Variants in LHFPL6 observed in about 807,000 individuals in gnomAD.
LHFPL6 encodes LHFPL tetraspan subfamily member 6 protein.
LHFPL6 carries 9 observed loss-of-function variants against 20.6 expected under a neutral mutation model. The ratio of observed to expected loss-of-function variants is 0.44; its 90% CI spans 0.26 to 0.76. LHFPL6 has a LOEUF of 0.76. Ranked by LOEUF, LHFPL6 falls within the 30% of genes least tolerant of loss-of-function variation. The pLI is 0.20. For missense variants in LHFPL6, 218 were observed against 253.5 expected (o/e 0.86, Z 0.95); for synonymous variants, 105 against 98.7 (o/e 1.06, Z -0.38).
chr13:39,430,209 T>C (rs1234246964), intron 2 of LHFPL6, among the ~76,000 whole-genome samples: 1 of 152,242 alleles, frequency 6.6e-6, no homozygotes, highest in Non-Finnish European at 1.5e-5. Flanking sequence ...ATGTTAATGG[T>C]TGATTTCTCA....
At chr13:39,396,599 C>T (rs987652762) in intron 2 of LHFPL6, among the ~76,000 whole-genome samples, 4 of 151,890 alleles carry the variant, frequency 2.6e-5, no homozygotes, top group Admixed American at 6.6e-5. Flanking sequence ...AGTTCAAGAC[C>T]GGCCCGGGCA....
chr13:39,407,245 A>G (rs671316), intron 2 of LHFPL6, among the ~76,000 whole-genome samples: 89,955 of 151,992 alleles, frequency 0.59, 27,302 homozygotes, highest in Admixed American at 0.69. Context: ...GTAATTAATG[A>G]TTTTCCTAAT....
At chr13:39,382,398 T>G (rs895475072) in intron 2 of LHFPL6, among the ~76,000 whole-genome samples, 2 of 152,044 alleles carry the variant, frequency 1.3e-5, no homozygotes, top group Non-Finnish European at 2.9e-5. Flanking sequence ...TTTTTGTTTG[T>G]TTGGTTGTTT....
At chr13:39,592,617 T>C (rs1472208553) in intron 2 of LHFPL6, among the ~76,000 whole-genome samples, 1 of 152,186 alleles carries the variant, frequency 6.6e-6, no homozygotes, top group Non-Finnish European at 1.5e-5. Flanking sequence ...CCCTAACTCA[T>C]TTTATGAGGC....
chr13:39,440,048 A>T (rs1245861513), intron 2 of LHFPL6, among the ~76,000 whole-genome samples: 1 of 152,226 alleles, frequency 6.6e-6, no homozygotes, highest in Non-Finnish European at 1.5e-5. Context: ...GTTAATACAC[A>T]GAGCCTGAAT....
intron 2 of LHFPL6, among the ~76,000 whole-genome samples, chr13:39,393,982 C>A (rs903801634): frequency 1.3e-5 from 2 of 152,122 alleles, no homozygotes; most frequent in Non-Finnish European, 2.9e-5. Context: ...CCTGTGTCAT[C>A]CAGGCTGGAG....
chr13:39,535,798 CTTCTT>C (rs1256786412), intron 2 of LHFPL6, among the ~76,000 whole-genome samples: 4 of 152,172 alleles, frequency 2.6e-5, no homozygotes, highest in African/African-American at 9.7e-5. Flanking sequence ...GATTTTACCT[CTTCTT>C]TTGAGAGTCA....
At chr13:39,542,133 A>ATAATAATAAT (rs57877231) in intron 2 of LHFPL6, among the ~76,000 whole-genome samples, 1 of 138,784 alleles carries the variant, frequency 7.2e-6, no homozygotes, top group Admixed American at 7.1e-5. Flanking sequence ...AATAATAATA[A>ATAATAATAAT]AATAAAAATG....
chr13:39,368,234 G>A (rs903043132), intron 3 of LHFPL6, among the ~76,000 whole-genome samples: 5 of 150,972 alleles, frequency 3.3e-5, no homozygotes, highest in Non-Finnish European at 7.4e-5. Flanking sequence ...GGGAGGGCGA[G>A]GCAGGAGAAT....
chr13:39,402,151 AT>A lies in LHFPL6; in HGVS notation c.386-23626del, dbSNP rs57347900. On this transcript the variant is annotated intron_variant, in intron 2 of 3. Coordinates refer to ENST00000379589, the MANE Select transcript of LHFPL6 (RefSeq NM_005780.3). ...ACTGATTACAGGTTAGAACAACAAT[AT>A]TTTTGATATACTTATTTCTATAAAA... Among the ~76,000 whole-genome samples, 581 of 152,292 alleles carry A rather than the reference AT, an allele frequency of 3.8e-3. 3 individuals are homozygous for A. Among genetic ancestry groups the A allele is most frequent in the African/African-American group, 0.013 (559 of 41,570 alleles).
At chr13:39,450,108 T>G (rs945074144) in intron 2 of LHFPL6, among the ~76,000 whole-genome samples, 3 of 152,230 alleles carry the variant, frequency 2.0e-5, no homozygotes, top group Admixed American at 6.5e-5. Flanking sequence ...CTAAAAATAT[T>G]ACAAATTTGG....
intron 2 of LHFPL6, among the ~76,000 whole-genome samples, chr13:39,582,649 T>A (rs1051569852): frequency 1.3e-5 from 2 of 152,154 alleles, no homozygotes; most frequent in Admixed American, 6.5e-5. Context: ...GAGAAAGGAT[T>A]CAGGGTCTGC....
At chr13:39,376,510 C>T (rs1453336801) in intron 3 of LHFPL6, among the ~76,000 whole-genome samples, 1 of 152,104 alleles carries the variant, frequency 6.6e-6, no homozygotes, top group Admixed American at 6.5e-5. Context: ...ACCAGAAGAG[C>T]CAGTATTATA....
chr13:39,485,821 C>T (rs1052303479), intron 2 of LHFPL6, among the ~76,000 whole-genome samples: 3 of 152,076 alleles, frequency 2.0e-5, no homozygotes, highest in Non-Finnish European at 4.4e-5. Flanking sequence ...CTTGTACCAA[C>T]GATTTTGCAC....
chr13:39,418,451 A>G (rs1468155912), intron 2 of LHFPL6, among the ~76,000 whole-genome samples: 1 of 141,854 alleles, frequency 7.0e-6, no homozygotes, highest in African/African-American at 2.7e-5. Flanking sequence ...GGCCATGTCT[A>G]ACTTTTCTCT....
intron 2 of LHFPL6, among the ~76,000 whole-genome samples, chr13:39,434,203 A>T (rs747653261): frequency 3.9e-5 from 6 of 152,222 alleles, no homozygotes; most frequent in Non-Finnish European, 8.8e-5. Context: ...AGGAAGACCT[A>T]CTACATGTTG....
intron 2 of LHFPL6, among the ~76,000 whole-genome samples, chr13:39,440,160 G>A (rs578185363): frequency 5.3e-5 from 8 of 152,306 alleles, no homozygotes; most frequent in African/African-American, 1.7e-4. Context: ...ATATTTTAGA[G>A]AGTTATCTGG....
At chr13:39,392,855 C>T (rs549886498) in intron 2 of LHFPL6, among the ~76,000 whole-genome samples, 5 of 151,852 alleles carry the variant, frequency 3.3e-5, no homozygotes, top group Admixed American at 6.6e-5. Context: ...AAGATACAAT[C>T]GGCCCTCTGT....
chr13:39,522,506 C>A (rs9566449), intron 2 of LHFPL6, among the ~76,000 whole-genome samples: 2,594 of 152,300 alleles, frequency 0.017, 66 homozygotes, highest in East Asian at 0.094. Flanking sequence ...TACTGTTCCA[C>A]ACACACAGCC....
Sources: allele counts gnomAD v4.1 joint callset (sites outside exome capture counted in the v4.1 genomes callset), GRCh38; gene constraint gnomAD v4.1.1; transcripts MANE v1.5; gene names NCBI Gene and HGNC (gene_info 2026-07-23, HGNC 2026-07-21).